WSCD2: variants seen among roughly 807,000 people sequenced by gnomAD.
WSCD2 encodes the protein WSC domain sialate O sulfotransferase 2, also known as sialate:O-sulfotransferase 2.
WSCD2 carries 28 observed loss-of-function variants against 55.7 expected under a neutral mutation model. The observed-to-expected ratio is 0.50, with a 90% CI of 0.37 to 0.69. The LOEUF (loss-of-function observed/expected upper bound fraction) is 0.69. Among genes scored for constraint, WSCD2 ranks in the 30% least tolerant of loss-of-function variants. The pLI is 0.00. For missense variants in WSCD2, 616 were observed against 762.1 expected (o/e 0.81, Z 2.26); for synonymous variants, 301 against 301.9 (o/e 1.00, Z 0.03).
At chr12:108,208,063 G>A (rs1272668662) in intron 3 of WSCD2, among the ~76,000 whole-genome samples, 1 of 152,168 alleles carries the variant, frequency 6.6e-6, no homozygotes, top group Non-Finnish European at 1.5e-5. Flanking sequence ...ATAAGTCAGA[G>A]CTACTCATGT....
At chr12:108,166,684 C>T (rs1051984962) in intron 1 of WSCD2, among the ~76,000 whole-genome samples, 4 of 152,112 alleles carry the variant, frequency 2.6e-5, no homozygotes, top group Admixed American at 1.3e-4. Context: ...CCCAGTTTCA[C>T]TATTTGCTGC....
chr12:108,244,187 A>G (rs1889940429), intron 8 of WSCD2, among the ~76,000 whole-genome samples: 1 of 152,224 alleles, frequency 6.6e-6, no homozygotes, highest in Non-Finnish European at 1.5e-5. Flanking sequence ...ACCAGAACTC[A>G]TTACCAATGT....
rs1023766361 is a variant in WSCD2, at chr12:108,250,208, G to A, written c.*1865G>A. ...TGTGTGTGTGTGTGTGTATGAGAGA[G>A]AGAGAGAGAGACAACAGAGACAGAG... On this transcript the variant is annotated 3_prime_UTR_variant, in exon 9 of 9. Coordinates refer to ENST00000547525, the MANE Select transcript of WSCD2 (RefSeq NM_014653.4). The A allele has an allele frequency of 6.6e-6, 1 of 151,300 alleles. No homozygotes were observed. The highest frequency in any genetic ancestry group is 1.5e-5 in the Non-Finnish European group (1 of 67,980). 9.4% of individuals were successfully genotyped at this position (151,300 alleles called of 1,614,324 possible). A position where few individuals can be genotyped will look rare whatever the true frequency, so the allele number is the denominator to read the frequency against.
chr12:108,166,741 T>TTTCC (rs879357783), intron 1 of WSCD2, among the ~76,000 whole-genome samples: 64 of 56,542 alleles, frequency 1.1e-3, no homozygotes, highest in South Asian at 4.0e-3. Flanking sequence ...TCTTTCTTTC[T>TTTCC]TTCCTTCTTT....
chr12:108,192,524 G>A (rs1012321726), intron 1 of WSCD2, among the ~76,000 whole-genome samples: 6 of 152,142 alleles, frequency 3.9e-5, no homozygotes, highest in Non-Finnish European at 5.9e-5. Context: ...GTGTTGGCAC[G>A]ACCATGAAAC....
chr12:108,237,466 T>C (rs1889359909), intron 7 of WSCD2, among the ~76,000 whole-genome samples: 1 of 152,190 alleles, frequency 6.6e-6, no homozygotes, highest in Admixed American at 6.5e-5. Flanking sequence ...TCCTGGGTGT[T>C]AAGGACAGTG....
intron 1 of WSCD2, among the ~76,000 whole-genome samples, chr12:108,174,440 A>G (rs1282685130): frequency 6.6e-6 from 1 of 152,020 alleles, no homozygotes; most frequent in Non-Finnish European, 1.5e-5. Flanking sequence ...GGGGGCTCCT[A>G]TGGGGATTTG....
intron 1 of WSCD2, among the ~76,000 whole-genome samples, chr12:108,135,808 C>T (rs568400927): frequency 3.9e-5 from 6 of 152,254 alleles, no homozygotes; most frequent in African/African-American, 1.4e-4. Flanking sequence ...CAAATCTGGC[C>T]CACTGCCTGT....
At position 108,248,457 on chromosome 12, in the gene WSCD2, CCTTGGCTG is replaced by C; in HGVS notation, c.*117_*124del. On this transcript the variant is annotated 3_prime_UTR_variant, in exon 9 of 9. Coordinates refer to ENST00000547525, the MANE Select transcript of WSCD2 (RefSeq NM_014653.4). The surrounding 1 kb of genome is among the most constrained non-coding windows in gnomAD (Gnocchi z 4.3). ...CCTCTCTTTGGTCTGGGGACAATCC[CCTTGGCTG>C]CTCTTTGCCTTCAATGAGTTTCCTG... The C allele has an allele frequency of 6.9e-7, 1 of 1,449,818 alleles. No homozygotes were observed. The highest frequency in any genetic ancestry group is 9.1e-7 in the Non-Finnish European group (1 of 1,103,086). 89.8% of individuals were successfully genotyped at this position (1,449,818 alleles called of 1,614,324 possible).
At chr12:108,172,474 A>T (rs1880341555) in intron 1 of WSCD2, among the ~76,000 whole-genome samples, 1 of 152,240 alleles carries the variant, frequency 6.6e-6, no homozygotes, top group Admixed American at 6.5e-5. Flanking sequence ...CTTATTTGGA[A>T]ATAGAGTCTT....
At chr12:108,214,815 A>C (rs1327116287) in intron 4 of WSCD2, among the ~76,000 whole-genome samples, 1 of 152,222 alleles carries the variant, frequency 6.6e-6, no homozygotes, top group Non-Finnish European at 1.5e-5. Flanking sequence ...TTACACTATC[A>C]CTGAAAAAAT....
chr12:108,191,481 G>T (rs534697035), intron 1 of WSCD2, among the ~76,000 whole-genome samples: 1 of 152,234 alleles, frequency 6.6e-6, no homozygotes, highest in Non-Finnish European at 1.5e-5. Flanking sequence ...CCGAATCCTG[G>T]AACCCTTGAA....
chr12:108,210,090 AG>A lies in WSCD2; in HGVS notation c.498-30del. Reference sequence around the variant, plus strand: ...CCTGCCTCGGGGTCTCCATGGTGGCAGCTACCCTGCTTGACAGCAGCCTCCC... The same window carrying A: ...CCTGCCTCGGGGTCTCCATGGTGGCACTACCCTGCTTGACAGCAGCCTCCC... On this transcript the variant is annotated intron_variant, in intron 3 of 8. Transcript: ENST00000547525. This position sits in a 1 kb window ranked among gnomAD's most constrained non-coding sequence, Gnocchi z 4.3. 1.2e-6 allele frequency: 2 copies of A among 1,613,826 alleles called. No individual in the cohort carries two copies. Among genetic ancestry groups the A allele is most frequent in the Non-Finnish European group, 1.7e-6 (2 of 1,179,910 alleles).
chr12:108,200,110 TG>T (rs1428811070), intron 2 of WSCD2, among the ~76,000 whole-genome samples: 1 of 152,188 alleles, frequency 6.6e-6, no homozygotes, highest in Non-Finnish European at 1.5e-5. Context: ...CAGAGAGGCT[TG>T]GGCTGGGTGT....
In WSCD2 at chr12:108,234,943, T is replaced by C. The variant is rs530408114; in HGVS notation, c.1144+2048T>C. On this transcript the variant is annotated intron_variant, in intron 7 of 8. Transcript: ENST00000547525. ...CTCTCTCTGAAACAAAATGCCTTAA[T>C]CTAGTAGTGACGCCTGTTGAAAGTA... is the stretch of plus-strand genomic sequence containing the variant. Among the ~76,000 whole-genome samples, 3 of 152,330 alleles carry C rather than the reference T, an allele frequency of 2.0e-5. No individual in the cohort carries two copies. In the South Asian group the frequency reaches 6.2e-4, roughly 32 times the overall value.
chr12:108,240,474 C>T lies in WSCD2; in HGVS notation c.1275C>T (p.Leu425=). 6.2e-7 allele frequency: 1 copy of T among 1,613,992 alleles called. No individual in the cohort carries two copies. Among genetic ancestry groups the T allele is most frequent in the Non-Finnish European group, 8.5e-7 (1 of 1,180,018 alleles). ...ILLIRNPYKA[L]MAEFNRKYGG... Reference sequence around the variant, plus strand: ...TCATCCGCAACCCCTACAAAGCCCTCATGGCTGAGTTCAACCGCAAGTACG... The same window carrying T: ...TCATCCGCAACCCCTACAAAGCCCTTATGGCTGAGTTCAACCGCAAGTACG... The change falls in exon 8 of 9, where the codon CTC becomes CTT. Residue 425 remains leucine (L), a synonymous_variant. Transcript: ENST00000547525.
intron 8 of WSCD2, 124 bp downstream of exon 8, chr12:108,240,668 G>A: frequency 1.7e-6 from 2 of 1,169,250 alleles, no homozygotes; most frequent in East Asian, 2.6e-5. Flanking sequence ...AGGAACCCTG[G>A]AGGACATCCT....
intron 8 of WSCD2, among the ~76,000 whole-genome samples, chr12:108,247,130 G>A: frequency 6.6e-6 from 1 of 152,100 alleles, no homozygotes; most frequent in East Asian, 1.9e-4. Context: ...AGACTGCTTA[G>A]GTTCAAATCC....
At chr12:108,238,239 G>A (rs530754689) in intron 7 of WSCD2, among the ~76,000 whole-genome samples, 1 of 152,318 alleles carries the variant, frequency 6.6e-6, no homozygotes, top group South Asian at 2.1e-4. Context: ...TGACCTCAAA[G>A]GCTGTGGGTT....
Sources: gnomAD v4.1 joint callset for allele counts (sites outside exome capture counted in the v4.1 genomes callset) on GRCh38, gnomAD v4.1.1 for gene constraint, Gnocchi (gnomAD v3.1) non-coding constraint, MANE v1.5 for transcripts, NCBI Gene and HGNC (gene_info 2026-07-23, HGNC 2026-07-21) for gene names.